SERGEF: variants seen among roughly 807,000 people sequenced by gnomAD.
SERGEF encodes secretion-regulating guanine nucleotide exchange factor.
In SERGEF, 51 loss-of-function variants were observed where a neutral mutation model predicts 50.0. The ratio of observed to expected loss-of-function variants is 1.02; its 90% CI spans 0.81 to 1.29. The LOEUF (loss-of-function observed/expected upper bound fraction) is 1.29, where lower values mean the gene tolerates loss of function less well. Ranked by LOEUF, SERGEF falls within the 50% of genes most tolerant of loss-of-function variation. SERGEF has a pLI of 0.00. For missense variants in SERGEF, 521 were observed against 557.0 expected (o/e 0.94, Z 0.65); for synonymous variants, 205 against 212.4 (o/e 0.97, Z 0.30).
At chr11:17,910,187 A>ACTCTCT (rs1341010777) in intron 9 of SERGEF, among the ~76,000 whole-genome samples, 4,983 of 119,328 alleles carry the variant, frequency 0.042, 264 homozygotes, top group African/African-American at 0.14. Flanking sequence ...ACACACACAC[A>ACTCTCT]CACACACTCT....
chr11:17,893,987 C>T (rs750929941), intron 9 of SERGEF, among the ~76,000 whole-genome samples: 3 of 152,198 alleles, frequency 2.0e-5, no homozygotes, highest in African/African-American at 4.8e-5. Flanking sequence ...GTGCTCCTCT[C>T]CCCTCTGACC....
intron 8 of SERGEF, among the ~76,000 whole-genome samples, chr11:17,965,462 C>T (rs981795403): frequency 5.9e-5 from 9 of 152,202 alleles, no homozygotes; most frequent in Admixed American, 5.9e-4. Context: ...ACTACCCTGA[C>T]CCCATTCACC....
At chr11:17,839,303 A>G (rs1384653044) in intron 10 of SERGEF, among the ~76,000 whole-genome samples, 2 of 152,306 alleles carry the variant, frequency 1.3e-5, no homozygotes, top group East Asian at 3.9e-4. Flanking sequence ...GAAAATAAAA[A>G]CATTGTGAAC....
In SERGEF at chr11:17,884,039, C is replaced by A. The variant is rs1851383624; in HGVS notation, c.1012-5795G>T. 6.6e-6 allele frequency among the ~76,000 whole-genome samples: 1 copy of A among 152,150 alleles called. No individual in the cohort carries two copies. Among genetic ancestry groups the A allele is most frequent in the African/African-American group, 2.4e-5 (1 of 41,436 alleles). ...GCCAAGGAGAGGAAGTGAGGCGAGGCCAGCCCCACGCCACCAGCCAGGGGC... is the reference window on the plus strand; with the variant it reads ...GCCAAGGAGAGGAAGTGAGGCGAGGACAGCCCCACGCCACCAGCCAGGGGC... On this transcript the variant is annotated intron_variant, in intron 9 of 10. Transcript: ENST00000265965. The surrounding 1 kb of genome is among the most constrained non-coding windows in gnomAD (Gnocchi z 4.6).
intron 10 of SERGEF, among the ~76,000 whole-genome samples, chr11:17,793,033 G>T (rs1849511721): frequency 6.6e-6 from 1 of 152,158 alleles, no homozygotes; most frequent in African/African-American, 2.4e-5. Context: ...ATGCTGTCCT[G>T]GTCCCACCTT....
intron 10 of SERGEF, among the ~76,000 whole-genome samples, chr11:17,812,903 T>A (rs1054319117): frequency 3.3e-5 from 5 of 152,136 alleles, no homozygotes; most frequent in African/African-American, 1.2e-4. Context: ...AGACTATCAT[T>A]TCCCTCCAAA....
At chr11:17,977,016 G>C (rs546727631) in intron 8 of SERGEF, among the ~76,000 whole-genome samples, 1 of 152,362 alleles carries the variant, frequency 6.6e-6, no homozygotes, top group East Asian at 1.9e-4. Flanking sequence ...AAGAAGGTAG[G>C]AAGAGGGCAG....
chr11:17,981,188 C>T (rs1235444796), intron 8 of SERGEF, among the ~76,000 whole-genome samples: 2 of 152,244 alleles, frequency 1.3e-5, no homozygotes. Flanking sequence ...TTTAGTTGCT[C>T]ATCCAACCAC....
intron 9 of SERGEF, among the ~76,000 whole-genome samples, chr11:17,940,493 T>C (rs1852541626): frequency 6.6e-6 from 1 of 152,152 alleles, no homozygotes. Context: ...ACAGTGTACA[T>C]GTAGAATGCT....
chr11:17,998,526 A>ATGTG (rs1285648651), intron 5 of SERGEF, among the ~76,000 whole-genome samples: 2 of 18,576 alleles, frequency 1.1e-4, no homozygotes, highest in East Asian at 6.8e-3. Context: ...ATATATGTTT[A>ATGTG]TATGTGTGTG....
chr11:17,951,323 A>C (rs1852770056), intron 9 of SERGEF, among the ~76,000 whole-genome samples: 1 of 152,220 alleles, frequency 6.6e-6, no homozygotes, highest in South Asian at 2.1e-4. Context: ...GGGCAAGATA[A>C]AGCAGATATT....
chr11:17,988,577 G>A lies in SERGEF; in HGVS notation c.844+20C>T. 1 of 1,612,546 alleles carries A rather than the reference G, an allele frequency of 6.2e-7. No individual in the cohort carries two copies. The highest frequency in any genetic ancestry group is 1.1e-5 in the South Asian group (1 of 90,840). On this transcript the variant is annotated intron_variant, in intron 8 of 10. Transcript: ENST00000265965. ...CCCCAGCTGCTCTTACCAACCGTAA[G>A]TTCTCTGCTACTGTCTCACCTGTCT... is the stretch of plus-strand genomic sequence containing the variant.
intron 4 of SERGEF, chr11:18,001,954 C>T (rs967848574): frequency 2.2e-6 from 1 of 455,962 alleles, no homozygotes; most frequent in Non-Finnish European, 4.4e-6. Flanking sequence ...ACCTTTATGC[C>T]CAGGGCCTAA....
chr11:17,984,933 A>T (rs1853564799), intron 8 of SERGEF, among the ~76,000 whole-genome samples: 1 of 152,246 alleles, frequency 6.6e-6, no homozygotes, highest in African/African-American at 2.4e-5. Context: ...AACAAATAAG[A>T]ATACAAAGAG....
At chr11:17,798,963 G>A (rs968651327) in intron 10 of SERGEF, among the ~76,000 whole-genome samples, 34 of 152,222 alleles carry the variant, frequency 2.2e-4, no homozygotes, top group Non-Finnish European at 4.0e-4. Context: ...GGAGCCTGGT[G>A]CTGCCAAAAG....
At chr11:18,012,774 T>TACC in intron 1 of SERGEF, 177 bp downstream of exon 1, 21 of 1,285,076 alleles carry the variant, frequency 1.6e-5, no homozygotes, top group Non-Finnish European at 1.8e-5. Context: ...GACCCTTCCT[T>TACC]CCCCGCCCGC....
At chr11:17,868,916 C>A (rs977480429) in intron 10 of SERGEF, among the ~76,000 whole-genome samples, 1 of 152,132 alleles carries the variant, frequency 6.6e-6, no homozygotes, top group East Asian at 1.9e-4. Flanking sequence ...TTACCTCCCA[C>A]AAGGTCACTC....
At chr11:17,799,657 TAAG>T (rs1260446434) in intron 10 of SERGEF, among the ~76,000 whole-genome samples, 1 of 152,154 alleles carries the variant, frequency 6.6e-6, no homozygotes, top group Non-Finnish European at 1.5e-5. Context: ...GAGGTGGTAG[TAAG>T]AAGGTCTGCT....
chr11:17,797,572 A>ATT (rs543914655), intron 10 of SERGEF, among the ~76,000 whole-genome samples: 90 of 147,750 alleles, frequency 6.1e-4, no homozygotes, highest in Non-Finnish European at 9.9e-4. Context: ...ATTTTTCTTC[A>ATT]TTTTTTTTTT....
Sources: gnomAD v4.1 joint callset for allele counts (sites outside exome capture counted in the v4.1 genomes callset) on GRCh38, gnomAD v4.1.1 for gene constraint, Gnocchi (gnomAD v3.1) non-coding constraint, MANE v1.5 for transcripts, NCBI Gene and HGNC (gene_info 2026-07-23, HGNC 2026-07-21) for gene names.